MRPS6: variants seen among roughly 807,000 people sequenced by gnomAD.
MRPS6 encodes small ribosomal subunit protein bS6m.
MRPS6 carries 6 observed loss-of-function variants against 13.1 expected under a neutral mutation model. The observed-to-expected ratio is 0.46, with a 90% CI of 0.25 to 0.91. The LOEUF (loss-of-function observed/expected upper bound fraction) is 0.91, where lower values mean the gene tolerates loss of function less well. MRPS6 is among the 40% of genes least tolerant of loss of function. The probability of loss-of-function intolerance (pLI) is 0.18; values close to 1 mark genes in which losing one functional copy is unlikely to be tolerated. For missense variants in MRPS6, 164 were observed against 155.6 expected, an observed-to-expected ratio of 1.05 and a Z score of -0.29; for synonymous variants, 61 against 56.5, an observed-to-expected ratio of 1.08 and a Z score of -0.36.
chr21:34,136,399 C>T (rs914929297), intron 2 of MRPS6, among the ~76,000 whole-genome samples: 53 of 152,314 alleles, frequency 3.5e-4, no homozygotes, highest in Admixed American at 2.0e-3. Flanking sequence ...CTGCCTGCTT[C>T]GGCCTCCCAA....
intron 1 of MRPS6, among the ~76,000 whole-genome samples, chr21:34,108,372 C>T (rs1383843910): frequency 3.3e-5 from 5 of 152,110 alleles, no homozygotes; most frequent in Admixed American, 6.6e-5. Flanking sequence ...GCAGTAACTG[C>T]GTGGGTTTGT....
chr21:34,130,622 T>C (rs1602963548), intron 2 of MRPS6, among the ~76,000 whole-genome samples: 1 of 151,596 alleles, frequency 6.6e-6, no homozygotes, highest in African/African-American at 2.4e-5. Flanking sequence ...TCTTAAGAAA[T>C]ATAAAGGAGG....
At chr21:34,074,347 C>T (rs768060135) in intron 1 of MRPS6, among the ~76,000 whole-genome samples, 1 of 152,232 alleles carries the variant, frequency 6.6e-6, no homozygotes, top group Non-Finnish European at 1.5e-5. Context: ...AATCTTTTGA[C>T]TTTTCTTTTT....
intron 1 of MRPS6, among the ~76,000 whole-genome samples, chr21:34,081,284 G>T (rs1169895585): frequency 6.6e-6 from 1 of 152,060 alleles, no homozygotes; most frequent in Non-Finnish European, 1.5e-5. Flanking sequence ...GGGAACTCCA[G>T]GTCATCGATT....
chr21:34,114,338 T>C (rs533841513), intron 1 of MRPS6, among the ~76,000 whole-genome samples: 69 of 152,264 alleles, frequency 4.5e-4, no homozygotes, highest in Admixed American at 2.4e-3. Context: ...AGTGAAACTT[T>C]TATGTTCCTT....
In MRPS6 at chr21:34,096,461, C is replaced by A. The variant is rs762123888; in HGVS notation, c.45+22716C>A. On this transcript the variant is annotated intron_variant, in intron 1 of 2. Transcript: ENST00000399312. The surrounding 1 kb of genome is among the most constrained non-coding windows in gnomAD (Gnocchi z 5.9). ...TATTTGTGGCATTTATGGTGGTGAT[C>A]AGCATAGCATGGGTGCCAATCATCG... is the stretch of plus-strand genomic sequence containing the variant. The A allele has an allele frequency of 6.2e-7, 1 of 1,614,162 alleles. No individual in the cohort carries two copies. Among genetic ancestry groups the A allele is most frequent in the Non-Finnish European group, 8.5e-7 (1 of 1,180,016 alleles).
At chr21:34,086,564 G>T (rs575079106) in intron 1 of MRPS6, among the ~76,000 whole-genome samples, 77 of 151,426 alleles carry the variant, frequency 5.1e-4, no homozygotes, top group Admixed American at 2.2e-3. Flanking sequence ...CCTGAAAGGT[G>T]TTGTAAAAGG....
Position 34,142,875 on chromosome 21 carries a change from C to A in MRPS6, c.*275C>A, listed in dbSNP as rs1428893295. 1.1e-5 allele frequency: 3 copies of A among 276,346 alleles called. No homozygotes were observed. Among genetic ancestry groups the A allele is most frequent in the Non-Finnish European group, 2.0e-5 (3 of 149,128 alleles). 17.1% of individuals were successfully genotyped at this position (276,346 alleles called of 1,614,324 possible). On this transcript the variant is annotated 3_prime_UTR_variant, in exon 3 of 3. Transcript: ENST00000399312. ...TTGTCATTGAGGACTTTTCCCCTTA[C>A]AACAGTAACACCATTTTTTGAAGAG...
chr21:34,123,292 A>AT (rs1472484180), intron 1 of MRPS6: 1 of 152,138 alleles, frequency 6.6e-6, no homozygotes, highest in Admixed American at 6.5e-5. Context: ...TTTTCTCTTC[A>AT]TTTGATCCCC....
chr21:34,105,771 T>C lies in MRPS6; in HGVS notation c.46-19570T>C, dbSNP rs777037980. 1.2e-4 allele frequency: 116 copies of C among 995,556 alleles called. No individual in the cohort carries two copies. In the Middle Eastern group the frequency reaches 3.1e-3, roughly 27 times the overall value. The allele number at this position is 995,556 out of a possible 1,614,324, so 61.7% of individuals were successfully genotyped here. On this transcript the variant is annotated intron_variant, in intron 1 of 2. Transcript: ENST00000399312. The stretch of plus-strand genomic sequence containing the variant: ...TTTTTAATTTTAAGGTTTGACTAAT[T>C]GTATCCATCTCATTGTACAGTGTTT...
At chr21:34,095,802 A>T in intron 1 of MRPS6, 1 of 1,614,104 alleles carries the variant, frequency 6.2e-7, no homozygotes, top group South Asian at 1.1e-5. Flanking sequence ...ACTTATGATT[A>T]TTAGCATAAT....
chr21:34,135,812 C>T, intron 2 of MRPS6: 1 of 530,428 alleles, frequency 1.9e-6, no homozygotes, highest in Non-Finnish European at 3.7e-6. Flanking sequence ...TTGTTGTGGC[C>T]ATGCATTATC....
intron 1 of MRPS6, chr21:34,097,246 T>A: frequency 6.2e-7 from 1 of 1,614,076 alleles, no homozygotes; most frequent in African/African-American, 1.3e-5. Context: ...GAGGAGGCTG[T>A]TTGTTTACAG....
At chr21:34,099,678 CTCTTG>C (rs1193230268) in intron 1 of MRPS6, 5 of 997,742 alleles carry the variant, frequency 5.0e-6, no homozygotes, top group African/African-American at 3.5e-5. Context: ...CTTCTTTCTG[CTCTTG>C]TCTTAGTAAG....
chr21:34,089,899 A>G (rs1978596088), intron 1 of MRPS6, among the ~76,000 whole-genome samples: 1 of 152,226 alleles, frequency 6.6e-6, no homozygotes, highest in Admixed American at 6.5e-5. Context: ...TATTTTAGGG[A>G]TGGTTAAAAC....
At chr21:34,130,700 T>C (rs1322597123) in intron 2 of MRPS6, among the ~76,000 whole-genome samples, 1 of 152,236 alleles carries the variant, frequency 6.6e-6, no homozygotes, top group African/African-American at 2.4e-5. Flanking sequence ...TTGCTCCAGC[T>C]TTCAAACACT....
Position 34,096,056 on chromosome 21 carries a change from C to G in MRPS6, c.45+22311C>G. 6.2e-7 allele frequency: 1 copy of G among 1,614,066 alleles called. No homozygotes were observed. The highest frequency in any genetic ancestry group is 1.3e-5 in the African/African-American group (1 of 75,012). On this transcript the variant is annotated intron_variant, in intron 1 of 2. Transcript: ENST00000399312. The surrounding 1 kb of genome is among the most constrained non-coding windows in gnomAD (Gnocchi z 5.9). ...CTGACCAAGTCATCGTGCAGAGGGT[C>G]CTTGCAGCCAAAAACATTGCTCATG...
chr21:34,102,590 T>C (rs1246848302), intron 1 of MRPS6: 1 of 1,000,100 alleles, frequency 1.0e-6, no homozygotes, highest in Non-Finnish European at 1.2e-6. Context: ...TCTGAGGCTA[T>C]TGACTTAAAC....
chr21:34,139,721 G>A (rs577209884), intron 2 of MRPS6, among the ~76,000 whole-genome samples: 3 of 152,176 alleles, frequency 2.0e-5, no homozygotes, highest in African/African-American at 7.2e-5. Context: ...GGGACTACAG[G>A]CACACACCAC....
Sources: gnomAD v4.1 joint callset for allele counts (sites outside exome capture counted in the v4.1 genomes callset) on GRCh38, gnomAD v4.1.1 for gene constraint, Gnocchi (gnomAD v3.1) non-coding constraint, MANE v1.5 for transcripts, NCBI Gene and HGNC (gene_info 2026-07-23, HGNC 2026-07-21) for gene names.